The following ASTN2 variants were observed in gnomAD, a reference collection of about 807,000 sequenced individuals.
ASTN2 encodes astrotactin-2.
Under a neutral mutation model 139.8 loss-of-function variants are expected in ASTN2, and 54 were observed. The ratio of observed to expected loss-of-function variants is 0.39; its 90% confidence interval spans 0.31 to 0.48. ASTN2 has a LOEUF of 0.48. Ranked by LOEUF, ASTN2 falls within the 20% of genes least tolerant of loss-of-function variation. ASTN2 has a pLI of 0.95. For missense variants in ASTN2, 1,565 were observed against 1,725.1 expected, an observed-to-expected ratio of 0.91 and a Z score of 1.64; for synonymous variants, 756 against 719.5, an observed-to-expected ratio of 1.05 and a Z score of -0.81.
Position 116,768,089 on chromosome 9 carries a change from A to G in ASTN2, c.2397-34566T>C, listed in dbSNP as rs142115880. Reference sequence around the variant, plus strand: ...CTTAGCAGTCTAGTAGGGAAGTCATACAAGTAAAAAAGACAATTAGAATAT... The same window carrying G: ...CTTAGCAGTCTAGTAGGGAAGTCATGCAAGTAAAAAAGACAATTAGAATAT... On this transcript the variant is annotated intron_variant, in intron 13 of 22. Transcript: ENST00000313400. Among the ~76,000 whole-genome samples, 548 of 152,342 alleles carry G rather than the reference A, an allele frequency of 3.6e-3. 3 individuals carry two copies. Among genetic ancestry groups the G allele is most frequent in the African/African-American group, 0.012 (519 of 41,588 alleles).
chr9:117,310,430 T>C (rs756744204), intron 1 of ASTN2, among the ~76,000 whole-genome samples: 42 of 152,142 alleles, frequency 2.8e-4, no homozygotes, highest in Non-Finnish European at 5.3e-4. Flanking sequence ...TAGTACAGTG[T>C]AGTAAAGCAT....
chr9:116,697,797 G>A (rs757287996), intron 16 of ASTN2: 7 of 1,614,146 alleles, frequency 4.3e-6, no homozygotes, highest in Non-Finnish European at 5.9e-6. Flanking sequence ...GGAAGTGCTA[G>A]AATGCCCCAT....
intron 3 of ASTN2, among the ~76,000 whole-genome samples, chr9:117,153,289 T>G (rs1184785094): frequency 6.6e-6 from 1 of 151,702 alleles, no homozygotes; most frequent in Middle Eastern, 3.2e-3. Flanking sequence ...TGGAGCAGAG[T>G]CACCTTAACT....
intron 6 of ASTN2, among the ~76,000 whole-genome samples, chr9:117,039,385 C>T (rs1838486250): frequency 6.6e-6 from 1 of 151,716 alleles, no homozygotes; most frequent in Non-Finnish European, 1.5e-5. Flanking sequence ...ACAATGAGAA[C>T]ACATGGACAC....
intron 16 of ASTN2, among the ~76,000 whole-genome samples, chr9:116,655,091 C>T (rs1257581322): frequency 1.3e-5 from 2 of 152,132 alleles, no homozygotes; most frequent in Non-Finnish European, 2.9e-5. Context: ...TCTGGTGCAA[C>T]CCCATTGAAA....
At chr9:116,738,361 C>T (rs1259213615) in intron 13 of ASTN2, among the ~76,000 whole-genome samples, 1 of 151,314 alleles carries the variant, frequency 6.6e-6, no homozygotes, top group Non-Finnish European at 1.5e-5. Context: ...ATTAGCTGGG[C>T]ATGGTGGCAC....
At chr9:116,496,785 G>A (rs1177574364) in intron 19 of ASTN2, among the ~76,000 whole-genome samples, 1 of 152,204 alleles carries the variant, frequency 6.6e-6, no homozygotes, top group African/African-American at 2.4e-5. Flanking sequence ...GAGGAGCAAA[G>A]GCACGTCTTA....
intron 19 of ASTN2, among the ~76,000 whole-genome samples, chr9:116,597,294 GATCT>G (rs1275836943): frequency 1.4e-5 from 1 of 71,968 alleles, no homozygotes; most frequent in Non-Finnish European, 3.1e-5. Flanking sequence ...CATGACTTTT[GATCT>G]ATTTTTTTTT....
chr9:117,004,265 A>G (rs1005517375), intron 7 of ASTN2, among the ~76,000 whole-genome samples: 6 of 151,994 alleles, frequency 3.9e-5, no homozygotes, highest in Admixed American at 1.3e-4. Flanking sequence ...GACTATGGGC[A>G]TGTGTCACCA....
At chr9:117,092,041 T>C (rs1041151297) in intron 5 of ASTN2, among the ~76,000 whole-genome samples, 1 of 152,152 alleles carries the variant, frequency 6.6e-6, no homozygotes, top group Non-Finnish European at 1.5e-5. Flanking sequence ...TATTTTAATC[T>C]TCACAATGAC....
At chr9:116,919,609 C>A (rs1242403742) in intron 10 of ASTN2, among the ~76,000 whole-genome samples, 3 of 138,930 alleles carry the variant, frequency 2.2e-5, no homozygotes, top group Non-Finnish European at 4.7e-5. Flanking sequence ...CAGAACAATT[C>A]TTGGTTGTGT....
intron 1 of ASTN2, among the ~76,000 whole-genome samples, chr9:117,375,237 T>C (rs1412192725): frequency 6.6e-6 from 1 of 152,238 alleles, no homozygotes; most frequent in Non-Finnish European, 1.5e-5. Context: ...TTGCATGGTA[T>C]ATTCATTTAA....
intron 11 of ASTN2, among the ~76,000 whole-genome samples, chr9:116,854,622 C>T (rs1317687146): frequency 6.6e-6 from 1 of 151,052 alleles, no homozygotes; most frequent in Non-Finnish European, 1.5e-5. Flanking sequence ...GCTTCCATTT[C>T]CTGCCTCCAA....
intron 6 of ASTN2, among the ~76,000 whole-genome samples, chr9:117,034,778 C>T (rs1838336174): frequency 1.3e-5 from 2 of 152,132 alleles, no homozygotes; most frequent in Non-Finnish European, 2.9e-5. Flanking sequence ...TAGATGCAAA[C>T]ATGTTCCATT....
chr9:116,961,068 A>G (rs1253275689), intron 10 of ASTN2, among the ~76,000 whole-genome samples: 2 of 151,824 alleles, frequency 1.3e-5, no homozygotes, highest in Non-Finnish European at 1.5e-5. Context: ...TGTTCCAGGG[A>G]CTCTGCAACT....
intron 4 of ASTN2, 145 bp downstream of exon 4, chr9:117,141,181 C>A (rs1830065947): frequency 1.0e-5 from 9 of 867,500 alleles, no homozygotes; most frequent in Non-Finnish European, 1.4e-5. Flanking sequence ...AGGTCTGCAG[C>A]CTCCAAGGGG....
At chr9:116,479,507 A>G (rs749003873) in intron 20 of ASTN2, among the ~76,000 whole-genome samples, 2 of 152,278 alleles carry the variant, frequency 1.3e-5, no homozygotes, top group East Asian at 1.9e-4. Context: ...TTGTTGGGCC[A>G]GGAGCCTGGA....
At chr9:117,240,363 C>G (rs781108903) in intron 2 of ASTN2, among the ~76,000 whole-genome samples, 1 of 152,042 alleles carries the variant, frequency 6.6e-6, no homozygotes, top group African/African-American at 2.4e-5. Context: ...CGGAAGGGAA[C>G]GAGGATGGTT....
chr9:117,368,768 A>G (rs965084803), intron 1 of ASTN2, among the ~76,000 whole-genome samples: 2 of 152,190 alleles, frequency 1.3e-5, no homozygotes, highest in Admixed American at 1.3e-4. Flanking sequence ...CATTTTTAAC[A>G]TGTTGGTTTA....
Sources: allele counts gnomAD v4.1 joint callset (sites outside exome capture counted in the v4.1 genomes callset), GRCh38; gene constraint gnomAD v4.1.1; transcripts MANE v1.5; gene names NCBI Gene and HGNC (gene_info 2026-07-23, HGNC 2026-07-21).